SLC7A10: variants seen among roughly 807,000 people sequenced by gnomAD.
SLC7A10 encodes the protein solute carrier family 7 member 10, also known as asc-type amino acid transporter 1.
In SLC7A10, 30 loss-of-function variants were observed where a neutral mutation model predicts 52.7. The ratio of observed to expected loss-of-function variants is 0.57; its 90% CI spans 0.43 to 0.77. SLC7A10 has a LOEUF of 0.77. Among genes scored for constraint, SLC7A10 ranks in the 30% least tolerant of loss-of-function variants. The pLI, the probability that SLC7A10 is intolerant of heterozygous loss-of-function variation, is 0.00. For missense variants in SLC7A10, 581 were observed against 698.5 expected (o/e 0.83, Z 1.90); for synonymous variants, 318 against 314.9 (o/e 1.01, Z -0.10).
chr19:33,222,652 T>C (rs1246924455), intron 1 of SLC7A10, among the ~76,000 whole-genome samples: 1 of 151,988 alleles, frequency 6.6e-6, no homozygotes, highest in East Asian at 1.9e-4. Flanking sequence ...TCAAATGAGA[T>C]AAAGGAAGAA....
chr19:33,222,769 G>C (rs533970815), intron 1 of SLC7A10, among the ~76,000 whole-genome samples: 1 of 151,988 alleles, frequency 6.6e-6, no homozygotes, highest in East Asian at 1.9e-4. Flanking sequence ...CAGCCTGGCC[G>C]ATTCCCTTCC....
At chr19:33,209,846 C>CTAAA (rs1304335781) in intron 9 of SLC7A10, among the ~76,000 whole-genome samples, 13 of 152,278 alleles carry the variant, frequency 8.5e-5, no homozygotes, top group Non-Finnish European at 1.3e-4. Context: ...GGGGGCTTTG[C>CTAAA]TTTTAGCTCA....
intron 1 of SLC7A10, among the ~76,000 whole-genome samples, chr19:33,221,537 A>G (rs1320249266): frequency 1.3e-5 from 2 of 152,102 alleles, no homozygotes; most frequent in Non-Finnish European, 2.9e-5. Context: ...TGTAAATGGA[A>G]CTGTAGTGGG....
At chr19:33,218,665 C>A (rs1175670826) in intron 1 of SLC7A10, among the ~76,000 whole-genome samples, 1 of 64,734 alleles carries the variant, frequency 1.5e-5, no homozygotes, top group Non-Finnish European at 3.5e-5. Flanking sequence ...CGGTGGATTT[C>A]TTTCTTTCTT....
chr19:33,220,346 G>T (rs545116037), intron 1 of SLC7A10: 239 of 152,332 alleles, frequency 1.6e-3, no homozygotes, highest in Non-Finnish European at 2.4e-3. Flanking sequence ...CCTGGCTGAG[G>T]CTTCTCATGG....
chr19:33,215,651 T>A, intron 2 of SLC7A10, 118 bp downstream of exon 2: 20 of 599,292 alleles, frequency 3.3e-5, no homozygotes, highest in Middle Eastern at 6.5e-4. Flanking sequence ...CTTCTCTCCA[T>A]CCACCCCCAC....
chr19:33,212,770 C>T (rs751438632), intron 3 of SLC7A10, 81 bp downstream of exon 3: 403 of 1,605,230 alleles, frequency 2.5e-4, no homozygotes, highest in Middle Eastern at 5.2e-4. Flanking sequence ...GAAATTTCAC[C>T]CCTCTGTCCT....
At position 33,211,427 on chromosome 19, in the gene SLC7A10, T is replaced by C; in HGVS notation, c.899A>G (p.Asn300Ser). Residue 300 changes from asparagine to serine, a missense_variant, in exon 6 of 11, where the codon AAT (asparagine) becomes AGT (serine). Coordinates refer to ENST00000253188, the MANE Select transcript of SLC7A10 (RefSeq NM_019849.3). Reference protein sequence around the residue: ...AMSPQELLSSNAVAVTFGEKL... With the variant: ...AMSPQELLSSSAVAVTFGEKL... ...GGGCCCACTCACCACAGCCACCGCA[T>C]TGGAGGAGAGCAGCTCCTGGGGGGA... The C allele has an allele frequency of 6.2e-7, 1 of 1,613,792 alleles. No individual in the cohort carries two copies. Among genetic ancestry groups the C allele is most frequent in the Non-Finnish European group, 8.5e-7 (1 of 1,179,922 alleles).
At chr19:33,220,658 A>G (rs943064101) in intron 1 of SLC7A10, among the ~76,000 whole-genome samples, 1 of 152,162 alleles carries the variant, frequency 6.6e-6, no homozygotes, top group Non-Finnish European at 1.5e-5. Context: ...CCTAGCATAG[A>G]CTGCTCTGCT....
Position 33,212,945 on chromosome 19 carries a change from G to A in SLC7A10, c.414C>T (p.Ile138=). Residue 138 remains isoleucine, a synonymous_variant, in exon 3 of 11, where the codon ATC becomes ATT. Coordinates refer to ENST00000253188, the MANE Select transcript of SLC7A10 (RefSeq NM_019849.3). ...LIMYPTSLAV[I]SMTFSNYVLQ... ...GCACGTAGTTGGAGAAGGTCATGGA[G>A]ATGACAGCAAGGCTGGTGGGGTACA... The A allele has an allele frequency of 6.2e-7, 1 of 1,614,168 alleles. No individual in the cohort carries two copies. The highest frequency in any genetic ancestry group is 8.5e-7 in the Non-Finnish European group (1 of 1,180,004).
chr19:33,209,162 TG>T, intron 10 of SLC7A10, 141 bp from the exon 11 acceptor site: 3 of 1,528,450 alleles, frequency 2.0e-6, no homozygotes, highest in Non-Finnish European at 2.7e-6. Context: ...GGGTACATCT[TG>T]GGAAGAGACA....
intron 1 of SLC7A10, among the ~76,000 whole-genome samples, chr19:33,223,533 GACCC>G (rs1032873996): frequency 2.8e-4 from 43 of 152,098 alleles, no homozygotes; most frequent in Admixed American, 2.6e-3. Flanking sequence ...AGGCAGTGCA[GACCC>G]CAGCTCAGTC....
At chr19:33,225,457 C>T (rs1974901304) in intron 1 of SLC7A10, 96 bp downstream of exon 1, 2 of 1,460,284 alleles carry the variant, frequency 1.4e-6, no homozygotes, top group Admixed American at 1.8e-5. Flanking sequence ...CAGGCAGACC[C>T]GTCCGAGCGC....
chr19:33,213,549 A>C (rs1974606434), intron 2 of SLC7A10, among the ~76,000 whole-genome samples: 1 of 152,100 alleles, frequency 6.6e-6, no homozygotes, highest in Admixed American at 6.5e-5. Context: ...CGGCCTCCCA[A>C]AGTGTTGGGA....
At chr19:33,215,616 C>A (rs1429072102) in intron 2 of SLC7A10, among the ~76,000 whole-genome samples, 153 bp downstream of exon 2, 2 of 122,260 alleles carry the variant, frequency 1.6e-5, no homozygotes, top group East Asian at 2.4e-4. Context: ...AGCCCCCACA[C>A]CTTCTCTCCA....
chr19:33,222,441 AAAAT>A (rs1386070253), intron 1 of SLC7A10, among the ~76,000 whole-genome samples: 44 of 81,870 alleles, frequency 5.4e-4, no homozygotes, highest in African/African-American at 1.2e-3. Flanking sequence ...AAAATAAAAT[AAAAT>A]AAATAAAATA....
In SLC7A10 at chr19:33,209,033, C is replaced by A. The variant is rs759098856; in HGVS notation, c.1442-12G>T. The A allele has an allele frequency of 6.2e-7, 1 of 1,613,346 alleles. No homozygotes were observed. The highest frequency in any genetic ancestry group is 1.3e-5 in the African/African-American group (1 of 74,916). Reference sequence around the variant, plus strand: ...GTGTGTCATGGACTCTGAGGACAGACAGATGGACCTTGGGGCCTGACCTCT... The same window carrying A: ...GTGTGTCATGGACTCTGAGGACAGAAAGATGGACCTTGGGGCCTGACCTCT... On this transcript the variant is annotated splice_polypyrimidine_tract_variant and intron_variant, in intron 10 of 10. Transcript: ENST00000253188.
rs748420241 is a variant in SLC7A10 at position 33,218,913 on chromosome 19, G to GC, written c.152-2941dup. On this transcript the variant is annotated intron_variant, in intron 1 of 10. Coordinates refer to ENST00000253188, the MANE Select transcript of SLC7A10 (RefSeq NM_019849.3). ...TTCCCAGACTCTGTATTTCAGCCAAGCAGATCTACCTGATTCGGGGAGCAG... is the reference window on the plus strand; with the variant it reads ...TTCCCAGACTCTGTATTTCAGCCAAGCCAGATCTACCTGATTCGGGGAGCAG... Among the ~76,000 whole-genome samples the GC allele has an allele frequency of 5.9e-5, 9 of 151,490 alleles. No homozygotes were observed. In the South Asian group the frequency reaches 1.7e-3, roughly 28 times the overall value.
At chr19:33,222,464 T>TAAATA (rs1162922007) in intron 1 of SLC7A10, among the ~76,000 whole-genome samples, 3,152 of 106,276 alleles carry the variant, frequency 0.03, 248 homozygotes, top group Admixed American at 0.2. Flanking sequence ...TAAAATAAAA[T>TAAATA]AAATAAAATA....
Sources: allele counts gnomAD v4.1 joint callset (sites outside exome capture counted in the v4.1 genomes callset), GRCh38; gene constraint gnomAD v4.1.1; transcripts MANE v1.5; gene names NCBI Gene and HGNC (gene_info 2026-07-23, HGNC 2026-07-21).